MAP3K20: variants seen among roughly 807,000 people sequenced by gnomAD.
MAP3K20 encodes the protein HCCS-4.
A neutral mutation model predicts 85.7 loss-of-function variants in MAP3K20; 40 were observed. The observed-to-expected ratio is 0.47, with a 90% CI of 0.36 to 0.61. MAP3K20 has a LOEUF of 0.61. Ranked by LOEUF, MAP3K20 falls within the 20% of genes least tolerant of loss-of-function variation. The pLI, the probability that MAP3K20 is intolerant of heterozygous loss-of-function variation, is 0.00. For synonymous variants in MAP3K20, 325 were observed against 327.7 expected, an observed-to-expected ratio of 0.99 and a Z score of 0.09; for missense variants, 817 against 961.7, an observed-to-expected ratio of 0.85 and a Z score of 1.99.
intron 2 of MAP3K20, among the ~76,000 whole-genome samples, chr2:173,128,019 C>G (rs533689917): frequency 2.0e-5 from 3 of 152,316 alleles, no homozygotes; most frequent in African/African-American, 7.2e-5. Context: ...TCAACTGTCC[C>G]TCTGTCAAAT....
At chr2:173,192,940 C>G (rs536742059) in intron 7 of MAP3K20, 1 of 152,334 alleles carries the variant, frequency 6.6e-6, no homozygotes, top group East Asian at 1.9e-4. Context: ...GGGCCACTTA[C>G]AGTCTCTGTT....
chr2:173,247,325 G>A (rs1340655032), intron 16 of MAP3K20, among the ~76,000 whole-genome samples: 1 of 146,798 alleles, frequency 6.8e-6, no homozygotes, highest in African/African-American at 2.7e-5. Context: ...ATCAAAAACT[G>A]TCAAATAGGG....
Position 173,107,611 on chromosome 2 carries a change from T to A in MAP3K20, c.159+16421T>A, listed in dbSNP as rs202228994. 2.2e-4 allele frequency among the ~76,000 whole-genome samples: 33 copies of A among 152,334 alleles called. 1 individual carries two copies. The East Asian group carries it at 6.2e-3, about 28-fold the overall frequency. ...GCTGCAAATGGAGGCATTTAATTCC[T>A]AGGAAGCAATATGGCTTCGTGTTTA... is the stretch of plus-strand genomic sequence containing the variant. On this transcript the variant is annotated intron_variant, in intron 2 of 19. Transcript: ENST00000375213.
chr2:173,157,458 A>C (rs190277289), intron 2 of MAP3K20, among the ~76,000 whole-genome samples: 4 of 152,338 alleles, frequency 2.6e-5, no homozygotes, highest in Admixed American at 6.5e-5. Flanking sequence ...CAAGTGTTCA[A>C]GACACTGTCT....
At chr2:173,092,787 C>A (rs920809437) in intron 2 of MAP3K20, among the ~76,000 whole-genome samples, 4 of 152,120 alleles carry the variant, frequency 2.6e-5, no homozygotes, top group Non-Finnish European at 4.4e-5. Context: ...TCACTCCACT[C>A]CCCCCTCCCC....
At chr2:173,263,366 G>A (rs937439666) in intron 18 of MAP3K20, among the ~76,000 whole-genome samples, 2 of 152,154 alleles carry the variant, frequency 1.3e-5, no homozygotes, top group Admixed American at 1.3e-4. Flanking sequence ...ACTATAAATA[G>A]AAGATGTAAT....
chr2:173,134,410 A>ATT (rs1688724960), intron 2 of MAP3K20, among the ~76,000 whole-genome samples: 2 of 5,662 alleles, frequency 3.5e-4, no homozygotes, highest in African/African-American at 5.8e-4. Flanking sequence ...ATATATATAT[A>ATT]TATATATATA....
At position 173,169,816 on chromosome 2, in the gene MAP3K20, C is replaced by G. The variant is rs1559261994; in HGVS notation, c.171C>G (p.Leu57=). ...LLKIEKEAEI[L]SVLSHRNIIQ... ...TATTTTTTGTACAGGCAGAAATACTCAGTGTCCTCAGTCACAGAAACATCA... is the reference window on the plus strand; with the variant it reads ...TATTTTTTGTACAGGCAGAAATACTGAGTGTCCTCAGTCACAGAAACATCA... The change falls in exon 3 of 20, where the codon CTC becomes CTG. Residue 57 remains leucine, a synonymous_variant. Coordinates refer to ENST00000375213, the MANE Select transcript of MAP3K20 (RefSeq NM_016653.3). The G allele has an allele frequency of 6.2e-7, 1 of 1,613,408 alleles. No homozygotes were observed. The highest frequency in any genetic ancestry group is 1.7e-4 in the Middle Eastern group (1 of 6,056).
At chr2:173,113,798 A>G (rs1688042043) in intron 2 of MAP3K20, among the ~76,000 whole-genome samples, 1 of 152,078 alleles carries the variant, frequency 6.6e-6, no homozygotes, top group Non-Finnish European at 1.5e-5. Context: ...GGTTGGTTTT[A>G]TGGCCTATCA....
intron 2 of MAP3K20, among the ~76,000 whole-genome samples, chr2:173,139,500 T>C (rs1421377494): frequency 1.3e-5 from 2 of 152,208 alleles, no homozygotes; most frequent in African/African-American, 4.8e-5. Context: ...ATCAATGTAA[T>C]GCTGTAATAT....
chr2:173,153,342 A>C (rs138962423), intron 2 of MAP3K20, among the ~76,000 whole-genome samples: 1,938 of 152,308 alleles, frequency 0.013, 23 homozygotes, highest in Middle Eastern at 0.024. Context: ...AAATATGTTA[A>C]AACTTTCTAT....
chr2:173,191,519 A>T (rs1690650467), intron 7 of MAP3K20, among the ~76,000 whole-genome samples: 1 of 152,166 alleles, frequency 6.6e-6, no homozygotes, highest in Admixed American at 6.5e-5. Flanking sequence ...TTCAATGGAA[A>T]TGTGGATCAT....
Position 173,194,268 on chromosome 2 carries a change from T to C in MAP3K20, c.582+3091T>C, listed in dbSNP as rs1332782220. Among the ~76,000 whole-genome samples the C allele has an allele frequency of 2.6e-5, 4 of 152,256 alleles. No homozygotes were observed. The East Asian group carries it at 7.7e-4, about 29-fold the overall frequency. On this transcript the variant is annotated intron_variant, in intron 7 of 19. Transcript: ENST00000375213. Reference sequence around the variant, plus strand: ...ACTGTATAGGTTGATGCAAAAGTAATTGAAGTTTTGCCATTTAAAAGTAAT... The same window carrying C: ...ACTGTATAGGTTGATGCAAAAGTAACTGAAGTTTTGCCATTTAAAAGTAAT...
At chr2:173,210,042 T>C in intron 10 of MAP3K20, 1 of 563,726 alleles carries the variant, frequency 1.8e-6, no homozygotes, top group South Asian at 2.1e-5. Flanking sequence ...GCTTGTTGCC[T>C]TGTGTAAGTA....
chr2:173,150,852 A>G (rs144182069), intron 2 of MAP3K20, among the ~76,000 whole-genome samples: 32 of 152,226 alleles, frequency 2.1e-4, no homozygotes, highest in African/African-American at 7.5e-4. Context: ...GTGAGCCACC[A>G]CACCCGGCCA....
rs139397917 is a variant in MAP3K20, at chr2:173,191,429, G to A, written c.582+252G>A. The stretch of plus-strand genomic sequence containing the variant: ...CCAAGAAACAAATTAAATGGAATCC[G>A]AGATAGTGTTGGGCTCCGCTTTGCC... On this transcript the variant is annotated intron_variant, in intron 7 of 19. Coordinates refer to ENST00000375213, the MANE Select transcript of MAP3K20 (RefSeq NM_016653.3). Among the ~76,000 whole-genome samples, 457 of 152,272 alleles carry A rather than the reference G, an allele frequency of 3.0e-3. 3 individuals are homozygous for A. The highest frequency in any genetic ancestry group is 5.3e-3 in the Non-Finnish European group (359 of 68,020).
At chr2:173,229,761 T>C (rs1466518055) in intron 12 of MAP3K20, 28 bp downstream of exon 12, 21 of 1,613,120 alleles carry the variant, frequency 1.3e-5, no homozygotes, top group Non-Finnish European at 1.6e-5. Flanking sequence ...ATGCCTTATT[T>C]GACTTGAGCA....
At chr2:173,232,751 G>C (rs1684551849) in intron 14 of MAP3K20, among the ~76,000 whole-genome samples, 1 of 152,118 alleles carries the variant, frequency 6.6e-6, no homozygotes, top group Non-Finnish European at 1.5e-5. Context: ...TGATCCACCT[G>C]CCTCAGCCTC....
chr2:173,095,333 T>G (rs1687428496), intron 2 of MAP3K20, among the ~76,000 whole-genome samples: 1 of 152,200 alleles, frequency 6.6e-6, no homozygotes, highest in Non-Finnish European at 1.5e-5. Context: ...TGAGAAGCCC[T>G]GAGTCAATAT....
Sources: allele counts gnomAD v4.1 joint callset (sites outside exome capture counted in the v4.1 genomes callset), GRCh38; gene constraint gnomAD v4.1.1; transcripts MANE v1.5; gene names NCBI Gene and HGNC (gene_info 2026-07-23, HGNC 2026-07-21).